SORCS2: variants seen among roughly 807,000 people sequenced by gnomAD.
The protein encoded by SORCS2 is sortilin related VPS10 domain containing receptor 2.
A neutral mutation model predicts 141.6 loss-of-function variants in SORCS2; 100 were observed. The observed-to-expected ratio is 0.71, with a 90% confidence interval of 0.60 to 0.83. The LOEUF is 0.83. SORCS2 is among the 40% of genes least tolerant of loss of function. The pLI, the probability that SORCS2 is intolerant of heterozygous loss-of-function variation, is 0.00. For synonymous variants in SORCS2, 789 were observed against 676.9 expected (o/e 1.17, Z -2.57); for missense variants, 1,646 against 1,560.2 (o/e 1.05, Z -0.93).
In SORCS2 at chr4:7,203,158, G is replaced by A. The variant is rs917255318; in HGVS notation, c.480+10032G>A. Among the ~76,000 whole-genome samples, 4 of 152,222 alleles carry A rather than the reference G, an allele frequency of 2.6e-5. 1 individual carries two copies. Among genetic ancestry groups the A allele is most frequent in the African/African-American group, 4.8e-5 (2 of 41,462 alleles). On this transcript the variant is annotated intron_variant, in intron 1 of 26. Coordinates refer to ENST00000507866, the MANE Select transcript of SORCS2 (RefSeq NM_020777.3). ...TTAAAATTCTTTTTGCTGGCTGGGC[G>A]TGGTGGCTCACGCCTGTAATCCCAA...
chr4:7,728,287 C>T, intron 21 of SORCS2, 63 bp from the exon 22 acceptor site: 2 of 1,291,968 alleles, frequency 1.5e-6, no homozygotes, highest in South Asian at 1.3e-5. Flanking sequence ...CGACCCCCAC[C>T]CTGGAGCCGT....
chr4:7,631,554 G>T (rs1411545359), intron 3 of SORCS2, among the ~76,000 whole-genome samples: 1 of 152,180 alleles, frequency 6.6e-6, no homozygotes. Flanking sequence ...CTTTGGCCCA[G>T]CCTGGGTGAG....
intron 1 of SORCS2, among the ~76,000 whole-genome samples, chr4:7,380,237 A>G (rs562437091): frequency 6.6e-6 from 1 of 152,256 alleles, no homozygotes; most frequent in African/African-American, 2.4e-5. Flanking sequence ...CTGCTGTCTG[A>G]GCATAGGGAG....
chr4:7,531,063 G>A (rs1370320892), intron 2 of SORCS2, among the ~76,000 whole-genome samples: 3 of 152,188 alleles, frequency 2.0e-5, no homozygotes, highest in Non-Finnish European at 4.4e-5. Flanking sequence ...CAAGCAGATA[G>A]GCCACAGGAA....
At chr4:7,579,862 G>A (rs1325242924) in intron 3 of SORCS2, among the ~76,000 whole-genome samples, 1 of 152,090 alleles carries the variant, frequency 6.6e-6, no homozygotes, top group African/African-American at 2.4e-5. Flanking sequence ...CTTCTACCTA[G>A]AGGGATCCAG....
intron 2 of SORCS2, among the ~76,000 whole-genome samples, chr4:7,416,577 CAT>C (rs1553858912): frequency 1.3e-4 from 20 of 152,154 alleles, no homozygotes; most frequent in Admixed American, 3.3e-4. Context: ...CACACACACA[CAT>C]GCAGACACAT....
intron 10 of SORCS2, among the ~76,000 whole-genome samples, chr4:7,688,704 C>T (rs1324136037): frequency 1.6e-5 from 2 of 124,340 alleles, no homozygotes; most frequent in Non-Finnish European, 3.5e-5. Flanking sequence ...ATGGAGTTCC[C>T]TGACTTGGGG....
chr4:7,611,915 TC>T (rs1577838473), intron 3 of SORCS2, among the ~76,000 whole-genome samples: 1 of 152,216 alleles, frequency 6.6e-6, no homozygotes, highest in East Asian at 1.9e-4. Flanking sequence ...GCTCTGTGGA[TC>T]CATGCCGAGA....
chr4:7,250,996 T>A (rs998936883), intron 1 of SORCS2, among the ~76,000 whole-genome samples: 15 of 152,220 alleles, frequency 9.9e-5, no homozygotes, highest in African/African-American at 3.6e-4. Context: ...GAGGGTAGAA[T>A]TCTTGTCCCT....
intron 1 of SORCS2, among the ~76,000 whole-genome samples, chr4:7,259,533 G>T (rs564186344): frequency 6.6e-6 from 1 of 152,334 alleles, no homozygotes; most frequent in Non-Finnish European, 1.5e-5. Context: ...AGCTGTCCCT[G>T]ACGTCAGGCC....
chr4:7,542,451 G>A (rs1031384314), intron 3 of SORCS2, among the ~76,000 whole-genome samples: 4 of 152,142 alleles, frequency 2.6e-5, no homozygotes, highest in Admixed American at 6.5e-5. Flanking sequence ...CAGGTGACAC[G>A]AAGACATATG....
At chr4:7,478,252 C>A (rs1730421467) in intron 2 of SORCS2, among the ~76,000 whole-genome samples, 1 of 152,176 alleles carries the variant, frequency 6.6e-6, no homozygotes, top group Admixed American at 6.5e-5. Flanking sequence ...GTGAAACACT[C>A]AGCCTGCGAA....
At chr4:7,434,904 A>C (rs1371579525) in intron 2 of SORCS2, 1 of 1,521,080 alleles carries the variant, frequency 6.6e-7, no homozygotes, top group Admixed American at 2.2e-5. Context: ...CTCTGGCTCC[A>C]GAGTACCCAG....
intron 3 of SORCS2, among the ~76,000 whole-genome samples, chr4:7,577,861 A>G (rs1715868578): frequency 6.6e-6 from 1 of 150,700 alleles, no homozygotes; most frequent in Non-Finnish European, 1.5e-5. Flanking sequence ...TATATAGCAT[A>G]TAGGCGAAGT....
intron 3 of SORCS2, 128 bp from the exon 4 acceptor site, chr4:7,638,200 C>A: frequency 8.3e-7 from 1 of 1,206,066 alleles, no homozygotes; most frequent in Non-Finnish European, 1.1e-6. Flanking sequence ...CACACCCGGC[C>A]CAGGCCTCAC....
chr4:7,373,478 A>ATATATATATATATATTTTTTTTTTTTTTT (rs1470691140), intron 1 of SORCS2, among the ~76,000 whole-genome samples: 1 of 36,816 alleles, frequency 2.7e-5, no homozygotes, highest in African/African-American at 1.6e-4. Context: ...ATATATATAT[A>ATATATATATATATATTTTTTTTTTTTTTT]TTTTTTTTTT....
chr4:7,661,669 A>G, intron 6 of SORCS2, 105 bp downstream of exon 6: 1 of 1,044,022 alleles, frequency 9.6e-7, no homozygotes, highest in Non-Finnish European at 1.4e-6. Flanking sequence ...GGCTGGCCCT[A>G]CACAGCCGGC....
chr4:7,740,453 C>T lies in SORCS2; in HGVS notation c.*189C>T. On this transcript the variant is annotated 3_prime_UTR_variant, in exon 27 of 27. Transcript: ENST00000507866. Reference sequence around the variant, plus strand: ...AGGCCCACGGGGGGCCCACGGGACCCCCCGGGACTCCCCGGACATGGCCCT... The same window carrying T: ...AGGCCCACGGGGGGCCCACGGGACCTCCCGGGACTCCCCGGACATGGCCCT... The T allele has an allele frequency of 1.7e-6, 1 of 593,118 alleles. No individual in the cohort carries two copies. Among genetic ancestry groups the T allele is most frequent in the Non-Finnish European group, 3.0e-6 (1 of 331,716 alleles). 36.7% of individuals were successfully genotyped at this position (593,118 alleles called of 1,614,324 possible).
intron 1 of SORCS2, among the ~76,000 whole-genome samples, chr4:7,383,013 CA>C (rs1723082606): frequency 6.6e-6 from 1 of 152,120 alleles, no homozygotes; most frequent in Non-Finnish European, 1.5e-5. Flanking sequence ...CCATAAAATA[CA>C]CCTTCTGATA....
Sources: allele counts gnomAD v4.1 joint callset (sites outside exome capture counted in the v4.1 genomes callset), GRCh38; gene constraint gnomAD v4.1.1; transcripts MANE v1.5; gene names NCBI Gene and HGNC (gene_info 2026-07-23, HGNC 2026-07-21).